Variants in RGS6 observed in about 807,000 individuals in gnomAD.
The protein encoded by RGS6 is regulator of G protein signaling 6.
RGS6 carries 30 observed loss-of-function variants against 78.5 expected under a neutral mutation model. The observed-to-expected ratio is 0.38, with a 90% CI of 0.29 to 0.52. The LOEUF is 0.52. Among genes scored for constraint, RGS6 ranks in the 20% least tolerant of loss-of-function variants. The pLI is 0.85. For missense variants in RGS6, 495 were observed against 609.7 expected (o/e 0.81, Z 1.98); for synonymous variants, 206 against 206.0 (o/e 1.00, Z 0.00).
chr14:72,526,248 T>TA (rs1397203060), intron 15 of RGS6, among the ~76,000 whole-genome samples: 1 of 149,590 alleles, frequency 6.7e-6, no homozygotes, highest in Non-Finnish European at 1.5e-5. Flanking sequence ...GGACTACAGG[T>TA]ACCTGCCACC....
chr14:72,551,475 C>T (rs1239890758), intron 17 of RGS6, among the ~76,000 whole-genome samples: 1 of 152,192 alleles, frequency 6.6e-6, no homozygotes, highest in African/African-American at 2.4e-5. Context: ...GCACCAACCA[C>T]CTGGAGTTAA....
At chr14:72,127,719 T>C (rs1238459199) in intron 2 of RGS6, among the ~76,000 whole-genome samples, 1 of 152,134 alleles carries the variant, frequency 6.6e-6, no homozygotes, top group Non-Finnish European at 1.5e-5. Context: ...TACTATCTTG[T>C]AAAGCTATAG....
At chr14:72,001,837 G>A (rs1367795930) in intron 2 of RGS6, among the ~76,000 whole-genome samples, 1 of 145,912 alleles carries the variant, frequency 6.9e-6, no homozygotes, top group African/African-American at 2.5e-5. Context: ...AGTGTTGTAA[G>A]TACTCTTTCA....
intron 2 of RGS6, among the ~76,000 whole-genome samples, chr14:72,184,077 A>T (rs1367549968): frequency 6.6e-6 from 1 of 152,012 alleles, no homozygotes; most frequent in Non-Finnish European, 1.5e-5. Flanking sequence ...TTCCTAATTA[A>T]AAGCAAATTT....
chr14:72,023,706 C>G (rs527732955), intron 2 of RGS6, among the ~76,000 whole-genome samples: 1 of 152,304 alleles, frequency 6.6e-6, no homozygotes, highest in Admixed American at 6.5e-5. Context: ...ACATCCTCTT[C>G]CTAATTCAAG....
At chr14:71,915,114 C>T in the RGS6 span, among the ~76,000 whole-genome samples, 7 of 151,774 alleles carry the variant, frequency 4.6e-5, no homozygotes, top group East Asian at 2.0e-4. Flanking sequence ...AAAAATTAGC[C>T]GGGCATGGTG....
chr14:72,433,704 A>G (rs761146244), intron 3 of RGS6, among the ~76,000 whole-genome samples: 7 of 152,002 alleles, frequency 4.6e-5, no homozygotes, highest in Non-Finnish European at 1.0e-4. Flanking sequence ...AGTGTACAAG[A>G]TGACTCACCC....
chr14:72,283,274 A>G (rs1301752399), intron 2 of RGS6, among the ~76,000 whole-genome samples: 5 of 152,266 alleles, frequency 3.3e-5, no homozygotes, highest in African/African-American at 1.2e-4. Context: ...GATTTCAGTT[A>G]TTTTGGCTAT....
chr14:72,339,755 GTGTGTT>G (rs1202288563), intron 2 of RGS6, among the ~76,000 whole-genome samples: 1 of 152,158 alleles, frequency 6.6e-6, no homozygotes, highest in African/African-American at 2.4e-5. Flanking sequence ...GCCTGAGCTG[GTGTGTT>G]CGGAGGCAGC....
At chr14:72,232,941 A>T (rs2153812946) in intron 2 of RGS6, among the ~76,000 whole-genome samples, 1 of 152,242 alleles carries the variant, frequency 6.6e-6, no homozygotes, top group East Asian at 1.9e-4. Flanking sequence ...CAAGCAGAGC[A>T]TGGGTGGCCA....
chr14:72,124,122 A>G (rs111430552), intron 2 of RGS6, among the ~76,000 whole-genome samples: 6 of 152,212 alleles, frequency 3.9e-5, no homozygotes, highest in African/African-American at 1.4e-4. Flanking sequence ...AGAGGCACAG[A>G]ATGCTGTTCT....
chr14:72,157,672 AG>A (rs1382554137), intron 2 of RGS6, among the ~76,000 whole-genome samples: 1 of 152,186 alleles, frequency 6.6e-6, no homozygotes, highest in African/African-American at 2.4e-5. Context: ...GTTTTCGGAC[AG>A]GCGGGCCACA....
At chr14:72,019,749 T>C (rs1411881716) in intron 2 of RGS6, among the ~76,000 whole-genome samples, 1 of 152,190 alleles carries the variant, frequency 6.6e-6, no homozygotes. Flanking sequence ...ATTCTGTTTT[T>C]TTGATTAGGG....
chr14:72,389,849 T>C (rs1458745337), intron 3 of RGS6, among the ~76,000 whole-genome samples: 1 of 152,222 alleles, frequency 6.6e-6, no homozygotes, highest in Non-Finnish European at 1.5e-5. Context: ...CTATCCCATG[T>C]GTATAAAAAT....
Position 72,489,157 on chromosome 14 carries a change from C to CCCCT in RGS6, c.855-5992_855-5991insTCCC, listed in dbSNP as rs1555431738. 6.9e-5 allele frequency among the ~76,000 whole-genome samples: 4 copies of CCCCT among 57,576 alleles called. 1 individual carries two copies. Among genetic ancestry groups the CCCCT allele is most frequent in the Admixed American group, 6.7e-4 (4 of 5,934 alleles). The allele number at this position is 57,576 out of a possible 152,430, so 37.8% of individuals were successfully genotyped here. A position where few individuals can be genotyped will look rare whatever the true frequency, so the allele number is the denominator to read the frequency against. On this transcript the variant is annotated intron_variant, in intron 12 of 17. Transcript: ENST00000553525. Reference sequence around the variant, plus strand: ...AGATGTCCTGGGAGGACAAAGGGGGCCCCCCCACCGGCTGTTTGCTCATCT... The same window carrying CCCCT: ...AGATGTCCTGGGAGGACAAAGGGGGCCCCTCCCCCCACCGGCTGTTTGCTCATCT...
chr14:72,023,551 C>A (rs888593474), intron 2 of RGS6, among the ~76,000 whole-genome samples: 2 of 152,204 alleles, frequency 1.3e-5, no homozygotes, highest in Non-Finnish European at 2.9e-5. Flanking sequence ...GCAACTGGAA[C>A]GTTTCTCTTA....
chr14:72,284,914 G>C (rs2062242224), intron 2 of RGS6, among the ~76,000 whole-genome samples: 1 of 152,208 alleles, frequency 6.6e-6, no homozygotes, highest in Admixed American at 6.5e-5. Flanking sequence ...AGTCAAAGGA[G>C]ATCATTTTCA....
chr14:72,204,106 G>T (rs1159551696), intron 2 of RGS6, among the ~76,000 whole-genome samples: 2 of 152,182 alleles, frequency 1.3e-5, no homozygotes, highest in African/African-American at 4.8e-5. Context: ...TTACAGGCAT[G>T]AGCCACCACA....
the RGS6 span, among the ~76,000 whole-genome samples, chr14:71,889,883 AGT>A: frequency 6.6e-6 from 1 of 152,108 alleles, no homozygotes; most frequent in Admixed American, 6.6e-5. Flanking sequence ...GTTGTTTAAA[AGT>A]GTGTAGCACC....
Sources: gnomAD v4.1 joint callset for allele counts (sites outside exome capture counted in the v4.1 genomes callset) on GRCh38, gnomAD v4.1.1 for gene constraint, MANE v1.5 for transcripts, NCBI Gene and HGNC (gene_info 2026-07-23, HGNC 2026-07-21) for gene names.